Variants in HDX observed in about 807,000 individuals in gnomAD.
HDX encodes highly divergent homeobox, also known as chromosome X open reading frame 43.
HDX carries 19 observed loss-of-function variants against 45.2 expected under a neutral mutation model. The observed-to-expected ratio is 0.42, with a 90% CI of 0.29 to 0.62. The LOEUF is 0.62. Among genes scored for constraint, HDX ranks in the 20% least tolerant of loss-of-function variants. The probability of loss-of-function intolerance (pLI) is 0.20; values close to 1 mark genes in which losing one functional copy is unlikely to be tolerated. For missense variants in HDX, 532 were observed against 493.9 expected (o/e 1.08, Z -0.73); for synonymous variants, 188 against 172.8 (o/e 1.09, Z -0.69).
intron 2 of HDX, among the ~76,000 whole-genome samples, chrX:84,478,777 T>G (rs1381463551): frequency 9.0e-6 from 1 of 110,785 alleles, no homozygotes; most frequent in African/African-American, 3.3e-5. Flanking sequence ...GAGGGTCTCT[T>G]GAACCCAGGA....
chrX:84,419,758 G>A (rs1384130167), intron 5 of HDX, among the ~76,000 whole-genome samples: 1 of 112,151 alleles, frequency 8.9e-6, no homozygotes, highest in African/African-American at 3.2e-5. Flanking sequence ...AGTAATACTG[G>A]TGGTGGCCAC....
chrX:84,474,357 A>T (rs751749734), intron 3 of HDX, among the ~76,000 whole-genome samples: 8 of 112,618 alleles, frequency 7.1e-5, no homozygotes, highest in Non-Finnish European at 1.5e-4. Flanking sequence ...TGGTGGTACA[A>T]TTCCCTATTT....
At chrX:84,496,257 C>A (rs904395137) in intron 1 of HDX, among the ~76,000 whole-genome samples, 1 of 111,638 alleles carries the variant, frequency 9.0e-6, no homozygotes, top group African/African-American at 3.3e-5. Flanking sequence ...TTTACAAATG[C>A]GAAAACAGAC....
At position 84,361,519 on chromosome X, in the gene HDX, C is replaced by G. The variant is rs1377476050; in HGVS notation, c.1399G>C (p.Glu467Gln). The change falls in exon 6 of 11, where the codon GAG becomes CAG. Residue 467 changes from glutamate (E) to glutamine (Q), a missense_variant. Coordinates refer to ENST00000373177, the MANE Select transcript of HDX (RefSeq NM_001177479.2). ...TCAGTTGCCACAGCTTCAATTTTCT[C>G]TCTACAAACAGAGCCCAGGCTGGTC... ...GMTSLGSVCR[E>Q]KIEAVATELN... The G allele has an allele frequency of 3.3e-6, 4 of 1,207,186 alleles. No homozygotes were observed. Among genetic ancestry groups the G allele is most frequent in the Non-Finnish European group, 4.5e-6 (4 of 891,902 alleles).
intron 6 of HDX, among the ~76,000 whole-genome samples, chrX:84,351,043 C>T (rs1442070561): frequency 5.5e-5 from 6 of 109,708 alleles, no homozygotes; most frequent in Admixed American, 2.0e-4. Flanking sequence ...ATCTATCTAT[C>T]TATCTATCTA....
chrX:84,378,371 G>T (rs939329811), intron 5 of HDX, among the ~76,000 whole-genome samples: 2 of 111,398 alleles, frequency 1.8e-5, no homozygotes, highest in Non-Finnish European at 1.9e-5. Flanking sequence ...CACCATAACT[G>T]TGGAGTATAA....
intron 7 of HDX, among the ~76,000 whole-genome samples, chrX:84,338,808 A>C (rs1271774125): frequency 3.6e-5 from 4 of 110,898 alleles, no homozygotes; most frequent in Admixed American, 1.9e-4. Context: ...TCATGGGGGT[A>C]GATTTCCCTT....
intron 5 of HDX, among the ~76,000 whole-genome samples, chrX:84,438,062 G>A (rs893183770): frequency 1.8e-5 from 2 of 111,009 alleles, no homozygotes; most frequent in African/African-American, 6.5e-5. Flanking sequence ...GATGGGGGAT[G>A]GGGAATGAGC....
intron 9 of HDX, among the ~76,000 whole-genome samples, chrX:84,332,552 C>G (rs1374254988): frequency 9.0e-6 from 1 of 110,908 alleles, no homozygotes; most frequent in Non-Finnish European, 1.9e-5. Context: ...GGGCCCAACC[C>G]TCTTTGACAT....
At chrX:84,405,905 G>A (rs976580436) in intron 5 of HDX, among the ~76,000 whole-genome samples, 4 of 110,137 alleles carry the variant, frequency 3.6e-5, no homozygotes, top group Non-Finnish European at 7.6e-5. Context: ...AGCCTGTCTG[G>A]TATTTATTAT....
intron 5 of HDX, among the ~76,000 whole-genome samples, chrX:84,394,639 T>C (rs2038516759): frequency 1.8e-5 from 2 of 111,592 alleles, no homozygotes. Context: ...TCTCTCCATT[T>C]AAGTGTAATA....
intron 5 of HDX, among the ~76,000 whole-genome samples, chrX:84,430,520 C>G (rs1478899312): frequency 9.0e-6 from 1 of 110,547 alleles, no homozygotes; most frequent in Non-Finnish European, 1.9e-5. Context: ...ATTTATTTTC[C>G]TTTGGATAAC....
chrX:84,334,519 A>G (rs1480485696), intron 8 of HDX, among the ~76,000 whole-genome samples: 1 of 109,840 alleles, frequency 9.1e-6, no homozygotes, highest in Non-Finnish European at 1.9e-5. Context: ...CATAGCTTGT[A>G]CAATATCTTG....
chrX:84,368,503 T>C (rs2037815152), intron 5 of HDX, among the ~76,000 whole-genome samples: 2 of 112,113 alleles, frequency 1.8e-5, no homozygotes, highest in Non-Finnish European at 3.8e-5. Flanking sequence ...TGAGGTGCAA[T>C]ATCAGGTTCT....
intron 5 of HDX, among the ~76,000 whole-genome samples, chrX:84,378,864 A>G: frequency 9.0e-6 from 1 of 111,369 alleles, no homozygotes; most frequent in East Asian, 2.8e-4. Flanking sequence ...AGATGACTGA[A>G]TGGATGAAAA....
chrX:84,484,826 T>C (rs1054020009), intron 2 of HDX, among the ~76,000 whole-genome samples: 2 of 111,940 alleles, frequency 1.8e-5, no homozygotes, highest in Non-Finnish European at 3.8e-5. Context: ...TGGCTTTGTT[T>C]GGATTTAATT....
intron 5 of HDX, among the ~76,000 whole-genome samples, chrX:84,399,683 A>C (rs1424729658): frequency 8.9e-6 from 1 of 112,006 alleles, no homozygotes; most frequent in African/African-American, 3.2e-5. Flanking sequence ...CAAAGAATTG[A>C]AAAGGAGAGA....
chrX:84,362,196 A>T (rs149387158), intron 5 of HDX, among the ~76,000 whole-genome samples: 9,394 of 111,229 alleles, frequency 0.084, 395 homozygotes, highest in East Asian at 0.26. Context: ...GGCCTCGTCA[A>T]GTTTCATAAT....
chrX:84,387,222 T>A (rs2038339883), intron 5 of HDX, among the ~76,000 whole-genome samples: 1 of 112,221 alleles, frequency 8.9e-6, no homozygotes, highest in Non-Finnish European at 1.9e-5. Flanking sequence ...TCAATTTTTC[T>A]TAAAAAATTT....
Sources: gnomAD v4.1 joint callset for allele counts (sites outside exome capture counted in the v4.1 genomes callset) on GRCh38, gnomAD v4.1.1 for gene constraint, MANE v1.5 for transcripts, NCBI Gene and HGNC (gene_info 2026-07-23, HGNC 2026-07-21) for gene names.